Variants in THSD7B observed in about 807,000 individuals in gnomAD.
THSD7B encodes the protein thrombospondin type-1 domain-containing protein 7B.
A neutral mutation model predicts 213.6 loss-of-function variants in THSD7B; 138 were observed. The observed-to-expected ratio is 0.65, with a 90% CI of 0.56 to 0.74. THSD7B has a LOEUF of 0.74. Among genes scored for constraint, THSD7B ranks in the 30% least tolerant of loss-of-function variants. The pLI is 0.00. For synonymous variants in THSD7B, 742 were observed against 687.0 expected (o/e 1.08, Z -1.25); for missense variants, 1,931 against 1,991.5 (o/e 0.97, Z 0.58).
intron 12 of THSD7B, among the ~76,000 whole-genome samples, chr2:137,359,411 C>T (rs551525927): frequency 1.3e-5 from 2 of 152,240 alleles, no homozygotes; most frequent in African/African-American, 4.8e-5. Context: ...ACAAAAGAGT[C>T]AAAACGTCAA....
intron 2 of THSD7B, among the ~76,000 whole-genome samples, chr2:137,032,616 T>C (rs1023194324): frequency 6.6e-6 from 1 of 152,208 alleles, no homozygotes; most frequent in Non-Finnish European, 1.5e-5. Context: ...CAATTTAGTA[T>C]AAAAGTTCTT....
intron 1 of THSD7B, among the ~76,000 whole-genome samples, chr2:136,864,703 C>G (rs1470739949): frequency 6.6e-6 from 1 of 152,196 alleles, no homozygotes; most frequent in Admixed American, 6.5e-5. Flanking sequence ...CAGGCTCCAG[C>G]CACCATGCCC....
At chr2:137,129,432 C>T (rs894068430) in intron 5 of THSD7B, among the ~76,000 whole-genome samples, 4 of 151,788 alleles carry the variant, frequency 2.6e-5, no homozygotes, top group African/African-American at 9.7e-5. Context: ...CCCCTTTGAA[C>T]ATTCTGTAAT....
intron 15 of THSD7B, among the ~76,000 whole-genome samples, chr2:137,559,512 T>C (rs1043297542): frequency 6.6e-6 from 1 of 152,212 alleles, no homozygotes. Context: ...GCTAGCCATA[T>C]GTAGAAAGCT....
intron 7 of THSD7B, among the ~76,000 whole-genome samples, chr2:137,221,156 G>A (rs1681360504): frequency 6.6e-6 from 1 of 152,064 alleles, no homozygotes; most frequent in African/African-American, 2.4e-5. Context: ...GAGTGGTGGC[G>A]GGCACCTGTA....
At chr2:136,832,582 C>T (rs1682774801) in intron 1 of THSD7B, among the ~76,000 whole-genome samples, 1 of 152,188 alleles carries the variant, frequency 6.6e-6, no homozygotes, top group African/African-American at 2.4e-5. Flanking sequence ...ACACTGGGCA[C>T]CCAATCTCCC....
intron 15 of THSD7B, among the ~76,000 whole-genome samples, chr2:137,496,436 A>G (rs1679568336): frequency 6.6e-6 from 1 of 152,098 alleles, no homozygotes; most frequent in Non-Finnish European, 1.5e-5. Context: ...GTCCCCTCCC[A>G]ATAATGGGCC....
intron 16 of THSD7B, among the ~76,000 whole-genome samples, chr2:137,571,814 CT>C (rs1432605511): frequency 6.6e-6 from 1 of 152,038 alleles, no homozygotes; most frequent in East Asian, 1.9e-4. Context: ...GCTCATTGCC[CT>C]TTGTTTTTTT....
intron 1 of THSD7B, among the ~76,000 whole-genome samples, chr2:136,766,892 C>G (rs1681406517): frequency 6.6e-6 from 1 of 152,098 alleles, no homozygotes; most frequent in Non-Finnish European, 1.5e-5. Context: ...TGTTTCTCAG[C>G]GGTACACCTG....
intron 1 of THSD7B, among the ~76,000 whole-genome samples, chr2:136,825,642 C>G (rs935219318): frequency 1.1e-4 from 16 of 151,744 alleles, no homozygotes; most frequent in African/African-American, 3.9e-4. Context: ...GCAACCACCT[C>G]CTGGGTTCAC....
chr2:137,616,986 A>T (rs1682399089), intron 18 of THSD7B, among the ~76,000 whole-genome samples: 1 of 152,194 alleles, frequency 6.6e-6, no homozygotes, highest in East Asian at 1.9e-4. Context: ...CTGACAACCA[A>T]ACCACCACAT....
intron 1 of THSD7B, among the ~76,000 whole-genome samples, chr2:136,855,418 C>G (rs1017810133): frequency 6.6e-6 from 1 of 151,224 alleles, no homozygotes; most frequent in Non-Finnish European, 1.5e-5. Context: ...CTGCCTGTTT[C>G]CCTTCTTCTT....
intron 1 of THSD7B, among the ~76,000 whole-genome samples, chr2:136,790,135 G>GTGTGTGTGTT (rs1236909958): frequency 2.0e-5 from 3 of 151,550 alleles, no homozygotes; most frequent in South Asian, 4.2e-4. Context: ...GTGTGTGTGT[G>GTGTGTGTGTT]TGTGTGTTTG....
chr2:137,565,307 G>GACCA, intron 16 of THSD7B, among the ~76,000 whole-genome samples: 1 of 152,076 alleles, frequency 6.6e-6, no homozygotes, highest in Non-Finnish European at 1.5e-5. Context: ...AATTTATTAG[G>GACCA]CTCATGGCTC....
At chr2:137,116,014 G>A (rs1012647299) in intron 5 of THSD7B, among the ~76,000 whole-genome samples, 1 of 152,196 alleles carries the variant, frequency 6.6e-6, no homozygotes, top group Non-Finnish European at 1.5e-5. Flanking sequence ...TGGTAAAGGT[G>A]GGAATGTTTC....
chr2:137,052,545 CAT>C (rs1427711803), intron 2 of THSD7B, among the ~76,000 whole-genome samples: 3 of 151,756 alleles, frequency 2.0e-5, no homozygotes, highest in African/African-American at 7.3e-5. Context: ...ATATATAATA[CAT>C]ATATATTTTG....
intron 12 of THSD7B, among the ~76,000 whole-genome samples, chr2:137,308,441 T>G (rs376106234): frequency 6.6e-6 from 1 of 152,046 alleles, no homozygotes; most frequent in South Asian, 2.1e-4. Context: ...TACCATGATA[T>G]GTAACATATC....
At chr2:137,323,303 G>A (rs1035024715) in intron 12 of THSD7B, among the ~76,000 whole-genome samples, 5 of 152,174 alleles carry the variant, frequency 3.3e-5, no homozygotes, top group Admixed American at 6.5e-5. Context: ...CCATCCATGA[G>A]CAAGGAGACT....
At chr2:137,129,444 A>C (rs1688687105) in intron 5 of THSD7B, among the ~76,000 whole-genome samples, 1 of 151,082 alleles carries the variant, frequency 6.6e-6, no homozygotes, top group African/African-American at 2.4e-5. Flanking sequence ...TTCTGTAATT[A>C]CTTTTTTTTT....
Sources: allele counts gnomAD v4.1 joint callset (sites outside exome capture counted in the v4.1 genomes callset), GRCh38; gene constraint gnomAD v4.1.1; transcripts MANE v1.5; gene names NCBI Gene and HGNC (gene_info 2026-07-23, HGNC 2026-07-21).